C8B: variants seen among roughly 807,000 people sequenced by gnomAD.
C8B encodes the protein complement C8 beta chain, also known as complement component C8 beta chain.
A neutral mutation model predicts 64.6 loss-of-function variants in C8B; 67 were observed. The ratio of observed to expected loss-of-function variants is 1.04; its 90% CI spans 0.85 to 1.27. C8B has a LOEUF of 1.27. Ranked by LOEUF, C8B falls within the 50% of genes most tolerant of loss-of-function variation. C8B has a pLI of 0.00. For synonymous variants in C8B, 284 were observed against 257.7 expected (o/e 1.10, Z -0.98); for missense variants, 790 against 725.2 (o/e 1.09, Z -1.03).
rs1435338395 is a variant in C8B, at chr1:56,931,843, G to C, written c.1588C>G (p.Gln530Glu). The change falls in exon 11 of 12, where the codon CAA (glutamine) becomes GAA (glutamate). Residue 530 changes from glutamine to glutamate, a missense_variant. By Grantham distance (29) the Gln-to-Glu change is conservative. Transcript: ENST00000371237. ...RCDCICPVGS[Q>E]GLACEVSYRK... ...TAGGAGACCTCACAGGCTAGGCCTTGGGATCCAACAGGACAGATGCAGTCA... is the reference window on the plus strand; with the variant it reads ...TAGGAGACCTCACAGGCTAGGCCTTCGGATCCAACAGGACAGATGCAGTCA... The C allele has an allele frequency of 2.5e-6, 4 of 1,612,292 alleles. No homozygotes were observed. In the South Asian group the frequency reaches 4.4e-5, roughly 18 times the overall value.
At chr1:56,948,876 C>T (rs528686266) in intron 6 of C8B, among the ~76,000 whole-genome samples, 1 of 152,170 alleles carries the variant, frequency 6.6e-6, no homozygotes, top group East Asian at 1.9e-4. Flanking sequence ...TAAAAAGTCT[C>T]CAGAGAAGTT....
chr1:56,943,152 G>T (rs1008952281), intron 8 of C8B, among the ~76,000 whole-genome samples: 2 of 152,028 alleles, frequency 1.3e-5, no homozygotes, highest in African/African-American at 2.4e-5. Flanking sequence ...CTGCCAACAG[G>T]AGTATAAATT....
intron 8 of C8B, among the ~76,000 whole-genome samples, chr1:56,942,537 T>A (rs1007661579): frequency 6.6e-6 from 1 of 152,054 alleles, no homozygotes; most frequent in East Asian, 1.9e-4. Flanking sequence ...AAACCCTGTC[T>A]CTACTAAAAA....
At chr1:56,962,916 T>C (rs599857) in intron 1 of C8B, among the ~76,000 whole-genome samples, 41,967 of 152,166 alleles carry the variant, frequency 0.28, 6,226 homozygotes, top group South Asian at 0.52. Flanking sequence ...ATTTCTGAAG[T>C]TATCCATGTT....
Position 56,949,540 on chromosome 1 carries a change from C to A in C8B, c.864+15G>T. ...AGACAACATATACGTTTAAAAGCAA[C>A]AAAGACATACTTACAGTATGAGAGA... On this transcript the variant is annotated intron_variant, in intron 6 of 11. Transcript: ENST00000371237. The A allele has an allele frequency of 1.2e-6, 2 of 1,607,798 alleles. No individual in the cohort carries two copies. The highest frequency in any genetic ancestry group is 1.7e-6 in the Non-Finnish European group (2 of 1,174,438).
At chr1:56,942,518 A>T (rs1171273318) in intron 8 of C8B, among the ~76,000 whole-genome samples, 1 of 152,076 alleles carries the variant, frequency 6.6e-6, no homozygotes, top group Admixed American at 6.5e-5. Flanking sequence ...CCTGGCCAAC[A>T]ACATGGCGAA....
In C8B at chr1:56,954,772, C is replaced by G. The variant is rs762632466; in HGVS notation, c.447G>C (p.Gln149His). 1 of 1,614,210 alleles carries G rather than the reference C, an allele frequency of 6.2e-7. No individual in the cohort carries two copies. Among genetic ancestry groups the G allele is most frequent in the Non-Finnish European group, 8.5e-7 (1 of 1,180,016 alleles). ...TCCTTCTACAGTTTGCTTCATCTGA[C>G]TGGTCTCCACAGTCATTGTCCCCAT... ...LCNGDNDCGD[Q>H]SDEANCRRIY... is the part of the protein sequence containing the mutation. Residue 149 changes from glutamine (Q) to histidine (H), a missense_variant, in exon 4 of 12, where the codon CAG becomes CAC. Physicochemically the swap from Gln to His is conservative, Grantham distance 24. Coordinates refer to ENST00000371237, the MANE Select transcript of C8B (RefSeq NM_000066.4).
At chr1:56,930,894 C>T (rs2101348469) in intron 11 of C8B, among the ~76,000 whole-genome samples, 1 of 152,242 alleles carries the variant, frequency 6.6e-6, no homozygotes, top group East Asian at 1.9e-4. Flanking sequence ...CTTACAAAGT[C>T]AAGACAACTC....
At position 56,943,837 on chromosome 1, in the gene C8B, AG is replaced by A; in HGVS notation, c.1106-14del. The A allele has an allele frequency of 6.2e-6, 10 of 1,613,828 alleles. No homozygotes were observed. Among genetic ancestry groups the A allele is most frequent in the Non-Finnish European group, 8.5e-6 (10 of 1,179,850 alleles). ...TTAAGAGTATAATCTGAAGAAAACA[AG>A]GAAAAAGGTCCATGACGTAAAAGGT... On this transcript the variant is annotated splice_polypyrimidine_tract_variant and intron_variant, in intron 7 of 11. Coordinates refer to ENST00000371237, the MANE Select transcript of C8B (RefSeq NM_000066.4).
rs774792617 is a variant in C8B, at chr1:56,943,807, C to T, written c.1123G>A (p.Val375Ile). The part of the protein sequence containing the change: ...MERGDYTLNN[V>I]HACAKNDFKI... ...AAATCATTTTTGGCACAGGCATGGA[C>T]GTTGTTAAGAGTATAATCTGAAGAA... Residue 375 changes from valine (V) to isoleucine (I), a missense_variant, in exon 8 of 12, where the codon GTC becomes ATC. Physicochemically the swap from Val to Ile is conservative, Grantham distance 29. Transcript: ENST00000371237. 17 of 1,613,842 alleles carry T rather than the reference C, an allele frequency of 1.1e-5. No individual in the cohort carries two copies. The highest frequency in any genetic ancestry group is 6.7e-5 in the East Asian group (3 of 44,876).
At chr1:56,964,743 C>T (rs1645227935) in intron 1 of C8B, among the ~76,000 whole-genome samples, 1 of 152,204 alleles carries the variant, frequency 6.6e-6, no homozygotes, top group South Asian at 2.1e-4. Flanking sequence ...AGGCTCATCT[C>T]TGTATCCTCA....
intron 1 of C8B, among the ~76,000 whole-genome samples, chr1:56,964,547 G>A (rs1645224897): frequency 6.6e-6 from 1 of 152,140 alleles, no homozygotes; most frequent in Non-Finnish European, 1.5e-5. Context: ...CAACCCCTTA[G>A]CCATTCGGCA....
chr1:56,946,448 G>A (rs561898612), intron 6 of C8B, among the ~76,000 whole-genome samples: 2 of 152,334 alleles, frequency 1.3e-5, no homozygotes, highest in South Asian at 4.1e-4. Context: ...GTGCAAGAAA[G>A]AGTAAAAGTG....
intron 2 of C8B, among the ~76,000 whole-genome samples, chr1:56,958,432 G>A (rs1434712894): frequency 6.6e-6 from 1 of 152,142 alleles, no homozygotes; most frequent in Admixed American, 6.5e-5. Context: ...TACTTGCAAA[G>A]GGTCATTCTT....
intron 7 of C8B, among the ~76,000 whole-genome samples, chr1:56,944,444 A>T (rs951106807): frequency 1.3e-5 from 2 of 152,182 alleles, no homozygotes; most frequent in African/African-American, 4.8e-5. Flanking sequence ...GGGAGAAAAG[A>T]GCAACTTTGA....
rs766080403 is a variant in C8B, at chr1:56,952,182, T to C, written c.534-2A>G. ...AAACTGTTTGTGAACAAATTTATCC[T>C]GTGAGGAAGAGACAGAGATGGCGAA... is the stretch of plus-strand genomic sequence containing the variant. On this transcript the variant is annotated splice_acceptor_variant, in intron 4 of 11. Transcript: ENST00000371237. LOFTEE classifies it high-confidence loss of function. 122 of 1,614,038 alleles carry C rather than the reference T, an allele frequency of 7.6e-5. 1 individual carries two copies. The Admixed American group carries it at 2.0e-3, about 27-fold the overall frequency.
At chr1:56,956,627 G>A in intron 3 of C8B, 142 bp downstream of exon 3, 1 of 807,452 alleles carries the variant, frequency 1.2e-6, no homozygotes, top group Non-Finnish European at 2.2e-6. Context: ...TGTGAAAGGA[G>A]GTCAGAGATT....
chr1:56,956,076 A>T (rs547057371), intron 3 of C8B, among the ~76,000 whole-genome samples: 306 of 152,032 alleles, frequency 2.0e-3, no homozygotes, highest in African/African-American at 7.1e-3. Flanking sequence ...ATAAACAATA[A>T]TTTTTACCGG....
rs35770073 is a variant in C8B at position 56,940,574 on chromosome 1, AAAG to A, written c.1398+272_1398+274del. Among the ~76,000 whole-genome samples, 747 of 151,332 alleles carry A rather than the reference AAAG, an allele frequency of 4.9e-3. 3 individuals carry two copies. The highest frequency in any genetic ancestry group is 7.8e-3 in the Non-Finnish European group (530 of 67,810). ...AACAGAGCAAGACCCTGTCTCTAGAAAAGAAGAAGAAGGAGTAAGCTAGAATTA... is the reference window on the plus strand; with the variant it reads ...AACAGAGCAAGACCCTGTCTCTAGAAAAGAAGAAGGAGTAAGCTAGAATTA... On this transcript the variant is annotated intron_variant, in intron 9 of 11. Coordinates refer to ENST00000371237, the MANE Select transcript of C8B (RefSeq NM_000066.4).
Sources: allele counts gnomAD v4.1 joint callset (sites outside exome capture counted in the v4.1 genomes callset), GRCh38; gene constraint gnomAD v4.1.1; transcripts MANE v1.5; gene names NCBI Gene and HGNC (gene_info 2026-07-23, HGNC 2026-07-21).